Variants in TRIM37 observed in about 807,000 individuals in gnomAD.
TRIM37 encodes E3 ubiquitin-protein ligase TRIM37.
In TRIM37, 80 loss-of-function variants were observed where a neutral mutation model predicts 129.8. That is an observed-to-expected ratio of 0.62 (90% CI 0.51 to 0.74). The LOEUF is 0.74. Ranked by LOEUF, TRIM37 falls within the 30% of genes least tolerant of loss-of-function variation. The pLI, the probability that TRIM37 is intolerant of heterozygous loss-of-function variation, is 0.00. For missense variants in TRIM37, 1,054 were observed against 1,176.5 expected (o/e 0.90, Z 1.52); for synonymous variants, 389 against 387.1 (o/e 1.00, Z -0.06).
intron 5 of TRIM37, among the ~76,000 whole-genome samples, chr17:59,081,955 A>ATAATAATAATAAT (rs1204088877): frequency 8.5e-6 from 1 of 117,562 alleles, no homozygotes; most frequent in African/African-American, 3.5e-5. Flanking sequence ...AAAAAAAATA[A>ATAATAATAATAAT]AAAAAAAAAA....
At chr17:59,083,922 A>T in intron 5 of TRIM37, 80 bp downstream of exon 5, 1 of 1,115,554 alleles carries the variant, frequency 9.0e-7, no homozygotes, top group South Asian at 1.2e-5. Flanking sequence ...GAGCATAATG[A>T]CACTATTTTC....
At chr17:58,980,669 G>C (rs751110645), downstream of TRIM37, 2 of 1,614,198 alleles carry the variant, frequency 1.2e-6, no homozygotes, top group South Asian at 1.1e-5. This position sits in a 1 kb window ranked among gnomAD's most constrained non-coding sequence, Gnocchi z 4.7. Flanking sequence ...GGGTTCAACA[G>C]GGGAGCAGAT....
chr17:59,017,195 A>AT, intron 20 of TRIM37, 101 bp downstream of exon 20: 1 of 1,456,930 alleles, frequency 6.9e-7, no homozygotes, highest in Non-Finnish European at 9.6e-7. Context: ...CAACTTTAGC[A>AT]TTTTTGGTGC....
chr17:59,045,463 C>T (rs1256243012), intron 16 of TRIM37, among the ~76,000 whole-genome samples: 2 of 151,550 alleles, frequency 1.3e-5, no homozygotes, highest in Non-Finnish European at 2.9e-5. Context: ...CGCAGTGAAA[C>T]CTCGTCTCTA....
intron 16 of TRIM37, among the ~76,000 whole-genome samples, chr17:59,047,469 C>A (rs1397184049): frequency 6.6e-6 from 1 of 151,982 alleles, no homozygotes; most frequent in African/African-American, 2.4e-5. Flanking sequence ...CTGAACTTTT[C>A]TTAAGTATAA....
downstream of TRIM37, among the ~76,000 whole-genome samples, chr17:58,977,644 GA>G (rs1411311434): frequency 6.6e-6 from 1 of 152,152 alleles, no homozygotes; most frequent in Non-Finnish European, 1.5e-5. Context: ...CAACCTGCTA[GA>G]TAGGGCATGT....
intron 4 of TRIM37, among the ~76,000 whole-genome samples, chr17:59,084,756 G>A (rs561710107): frequency 6.6e-6 from 1 of 152,162 alleles, no homozygotes; most frequent in Admixed American, 6.5e-5. Context: ...AATCCAACAG[G>A]ACTGGTGTCC....
chr17:58,994,672 T>C (rs1283944127), downstream of TRIM37, among the ~76,000 whole-genome samples: 1 of 152,214 alleles, frequency 6.6e-6, no homozygotes, highest in East Asian at 1.9e-4. Context: ...TCTGTGGACT[T>C]TGGTATCCAC....
At chr17:59,046,849 AT>A (rs995655404) in intron 16 of TRIM37, among the ~76,000 whole-genome samples, 20 of 150,270 alleles carry the variant, frequency 1.3e-4, no homozygotes, top group African/African-American at 4.4e-4. Context: ...CGAAAAACAA[AT>A]TTTTAAAAAA....
intron 17 of TRIM37, among the ~76,000 whole-genome samples, chr17:59,038,748 C>T (rs561377800): frequency 6.6e-6 from 1 of 152,250 alleles, no homozygotes; most frequent in Non-Finnish European, 1.5e-5. Flanking sequence ...GTCAGTAAGA[C>T]CTAATGCCAT....
At chr17:59,012,471 T>TCAAG in intron 21 of TRIM37, 25 bp from the exon 22 acceptor site, 2 of 1,445,046 alleles carry the variant, frequency 1.4e-6, no homozygotes, top group Non-Finnish European at 9.7e-7. Context: ...CAACTTGATA[T>TCAAG]TTCTCTATAA....
At chr17:58,976,643 A>G in the TRIM37 span, among the ~76,000 whole-genome samples, 1 of 152,168 alleles carries the variant, frequency 6.6e-6, no homozygotes, top group Non-Finnish European at 1.5e-5. Context: ...AGACAAAAGG[A>G]TGTTGCCATT....
At chr17:59,009,036 G>C (rs1033155737) in intron 22 of TRIM37, among the ~76,000 whole-genome samples, 1 of 152,194 alleles carries the variant, frequency 6.6e-6, no homozygotes, top group Non-Finnish European at 1.5e-5. Flanking sequence ...ATCTTTCCAA[G>C]GGTGGATTAG....
chr17:59,012,376 C>T lies in TRIM37; in HGVS notation c.2647G>A (p.Glu883Lys). The change falls in exon 22 of 24, where the codon GAG becomes AAG. Residue 883 changes from glutamate to lysine, a missense_variant. By Grantham distance (56) the Glu-to-Lys change is moderately conservative. Around this residue, in one of 3 missense-constraint regions of TRIM37, gnomAD observed 287 missense variants for 274.3 expected, o/e 1.05. Coordinates refer to ENST00000262294, the MANE Select transcript of TRIM37 (RefSeq NM_015294.6). ...TDLENNSETGELQPVLPEGAS... is the reference protein window; with the variant it reads ...TDLENNSETGKLQPVLPEGAS... Reference sequence around the variant, plus strand: ...CCTTCAGGTAGTACAGGCTGTAACTCTCCAGTTTCAGAATTATTTTCCAAA... The same window carrying T: ...CCTTCAGGTAGTACAGGCTGTAACTTTCCAGTTTCAGAATTATTTTCCAAA... 1.9e-6 allele frequency: 3 copies of T among 1,613,254 alleles called. No homozygotes were observed. Among genetic ancestry groups the T allele is most frequent in the Non-Finnish European group, 2.5e-6 (3 of 1,179,914 alleles).
chr17:59,049,142 T>A, intron 15 of TRIM37, 36 bp downstream of exon 15: 3 of 1,561,764 alleles, frequency 1.9e-6, no homozygotes, highest in Non-Finnish European at 2.6e-6. Flanking sequence ...TTTTTTTTAA[T>A]CAAACACAAA....
At chr17:58,980,635 A>C, downstream of TRIM37, 1 of 1,614,200 alleles carries the variant, frequency 6.2e-7, no homozygotes, top group Non-Finnish European at 8.5e-7. The surrounding 1 kb of genome is among the most constrained non-coding windows in gnomAD (Gnocchi z 4.7). Flanking sequence ...GTGGTGCTGG[A>C]GAGTTTCCCA....
In TRIM37 at chr17:58,998,890, T is replaced by C. The variant is rs2033307073; in HGVS notation, c.*487A>G. On this transcript the variant is annotated 3_prime_UTR_variant, in exon 24 of 24. Transcript: ENST00000262294. ...TTCACATAGTGTCTACAGGGCAGAA[T>C]CTCTTCCAAAGCAATTTTCTGTTCA... 1 of 1,015,842 alleles carries C rather than the reference T, an allele frequency of 9.8e-7. No individual in the cohort carries two copies. Among genetic ancestry groups the C allele is most frequent in the African/African-American group, 1.7e-5 (1 of 57,498 alleles). 62.9% of individuals were successfully genotyped at this position (1,015,842 alleles called of 1,614,324 possible).
At position 59,001,215 on chromosome 17, in the gene TRIM37, G is replaced by GA. The variant is rs1000568960; in HGVS notation, c.2812+382dup. 1.6e-3 allele frequency among the ~76,000 whole-genome samples: 203 copies of GA among 130,474 alleles called. 2 individuals are homozygous for GA. The highest frequency in any genetic ancestry group is 5.2e-3 in the African/African-American group (183 of 35,154). 85.6% of individuals were successfully genotyped at this position (130,474 alleles called of 152,430 possible). ...ATCTCGGGGCAAAAAAAAAAAAAAA[G>GA]AAAAAAAAAACCCACAAAGAAAATT... On this transcript the variant is annotated intron_variant, in intron 23 of 23. Transcript: ENST00000262294.
intron 19 of TRIM37, among the ~76,000 whole-genome samples, chr17:59,027,901 T>C (rs529482550): frequency 1.1e-4 from 16 of 152,300 alleles, no homozygotes; most frequent in African/African-American, 3.8e-4. Context: ...AAATCCTGTG[T>C]CAGTGACTTT....
Sources: gnomAD v4.1 joint callset for allele counts (sites outside exome capture counted in the v4.1 genomes callset) on GRCh38, gnomAD v4.1.1 for gene constraint, gnomAD v4.1.1 regional missense constraint, Gnocchi (gnomAD v3.1) non-coding constraint, MANE v1.5 for transcripts, NCBI Gene and HGNC (gene_info 2026-07-23, HGNC 2026-07-21) for gene names.